Variants in GPR33 observed in about 807,000 individuals in gnomAD.
GPR33 encodes G protein-coupled receptor 33.
In GPR33, 4 loss-of-function variants were observed where a neutral mutation model predicts 3.1. That is an observed-to-expected ratio of 1.29 (90% confidence interval 0.64 to 2.96). The LOEUF is 2.96. GPR33 is among the 30% of genes most tolerant of loss of function. The pLI is 0.01. For missense variants in GPR33, 390 were observed against 388.9 expected (o/e 1.00, Z -0.02); for synonymous variants, 138 against 142.0 (o/e 0.97, Z 0.20).
At chr14:31,486,105 G>C (rs2032417045) in intron 1 of GPR33, among the ~76,000 whole-genome samples, 1 of 152,014 alleles carries the variant, frequency 6.6e-6, no homozygotes, top group Admixed American at 6.6e-5. Flanking sequence ...TTTTATTTTT[G>C]TTTATTTTTT....
rs185392929 is a variant in GPR33, at chr14:31,487,526, G to A, written c.-7+371C>T. ...GTGATCCTGGCTCACTGCAACCTCCGCCTCCTGGGTTCAAGTGATTCTCCT... is the reference window on the plus strand; with the variant it reads ...GTGATCCTGGCTCACTGCAACCTCCACCTCCTGGGTTCAAGTGATTCTCCT... On this transcript the variant is annotated intron_variant, in intron 1 of 1. Coordinates refer to ENST00000399285, the MANE Select transcript of GPR33 (RefSeq NM_001197184.3). 8.5e-3 allele frequency among the ~76,000 whole-genome samples: 1,106 copies of A among 130,760 alleles called. 8 individuals are homozygous for A. The highest frequency in any genetic ancestry group is 0.012 in the Admixed American group (134 of 11,076). 85.8% of individuals were successfully genotyped at this position (130,760 alleles called of 152,430 possible).
chr14:31,485,671 C>A (rs2032412176), intron 1 of GPR33, among the ~76,000 whole-genome samples: 1 of 151,128 alleles, frequency 6.6e-6, no homozygotes, highest in Non-Finnish European at 1.5e-5. Context: ...TTTTTCCTTG[C>A]AAAGCCTGTG....
intron 1 of GPR33, among the ~76,000 whole-genome samples, chr14:31,485,230 CT>C (rs1443731250): frequency 6.6e-6 from 1 of 151,976 alleles, no homozygotes; most frequent in African/African-American, 2.4e-5. Flanking sequence ...GCCACTGCGC[CT>C]GGCCAAATGT....
rs578142516 is a variant in GPR33 at position 31,484,004 on chromosome 14, A to C, written c.-6-33T>G. On this transcript the variant is annotated intron_variant, in intron 1 of 1. Coordinates refer to ENST00000399285, the MANE Select transcript of GPR33 (RefSeq NM_001197184.3). ...GTGAGAAACAGTGAAAATAACAACA[A>C]GAAAAAGCAAAAGAAAAGGTTAAAT... 16 of 1,444,564 alleles carry C rather than the reference A, an allele frequency of 1.1e-5. No individual in the cohort carries two copies. The African/African-American group carries it at 2.3e-4, about 21-fold the overall frequency. 89.5% of individuals were successfully genotyped at this position (1,444,564 alleles called of 1,614,324 possible). A position where few individuals can be genotyped will look rare whatever the true frequency, so the allele number is the denominator to read the frequency against.
chr14:31,484,533 G>A (rs1240708205), intron 1 of GPR33, among the ~76,000 whole-genome samples: 2 of 152,082 alleles, frequency 1.3e-5, no homozygotes, highest in Admixed American at 6.5e-5. Flanking sequence ...TGATTTTCCC[G>A]CTTGGCCTCG....
intron 1 of GPR33, among the ~76,000 whole-genome samples, chr14:31,485,637 CAAAAA>C (rs34013315): frequency 8.8e-6 from 1 of 113,246 alleles, no homozygotes; most frequent in Non-Finnish European, 1.8e-5. Flanking sequence ...GACTCTGTCT[CAAAAA>C]AAAAAAAAAA....
intron 1 of GPR33, among the ~76,000 whole-genome samples, chr14:31,487,432 GTTTTTTTTTTT>G (rs752227440): frequency 2.8e-5 from 2 of 70,380 alleles, no homozygotes; most frequent in Admixed American, 2.0e-4. Context: ...AAGCCCCTCA[GTTTTTTTTTTT>G]TTTTTTTTTT....
At chr14:31,484,448 T>A (rs1220851980) in intron 1 of GPR33, among the ~76,000 whole-genome samples, 1 of 152,010 alleles carries the variant, frequency 6.6e-6, no homozygotes, top group Non-Finnish European at 1.5e-5. Context: ...GCCGGATAAT[T>A]TTTTTGTTTG....
chr14:31,485,652 A>G (rs1480152662), intron 1 of GPR33, among the ~76,000 whole-genome samples: 1 of 151,814 alleles, frequency 6.6e-6, no homozygotes, highest in Non-Finnish European at 1.5e-5. Flanking sequence ...AAAAAAAAAA[A>G]AAATTCTGTT....
intron 1 of GPR33, among the ~76,000 whole-genome samples, chr14:31,485,770 C>G (rs2032413291): frequency 1.3e-5 from 2 of 152,000 alleles, no homozygotes; most frequent in South Asian, 4.1e-4. Context: ...TCCATTGTAC[C>G]AGGTGGGAAA....
chr14:31,483,481 G>GGGAT lies in GPR33; in HGVS notation c.481_484dup (p.Pro162HisfsTer12). ...ATGTGTCTCTCTGAAAATCAAATAG[G>GGGAT]GGATGCTGAGGGCAGCGGCTGAAAT... On this transcript the variant is annotated frameshift_variant, in exon 2 of 2. Transcript: ENST00000399285. LOFTEE classifies it high-confidence loss of function. 6.5e-7 allele frequency: 1 copy of GGGAT among 1,536,150 alleles called. No individual in the cohort carries two copies. The highest frequency in any genetic ancestry group is 8.7e-7 in the Non-Finnish European group (1 of 1,146,910).
At chr14:31,484,403 C>T (rs2032396280) in intron 1 of GPR33, among the ~76,000 whole-genome samples, 1 of 152,056 alleles carries the variant, frequency 6.6e-6, no homozygotes, top group African/African-American at 2.4e-5. Flanking sequence ...GCCTCAGCCT[C>T]CCAAGGAGTT....
chr14:31,484,873 C>G (rs972598655), intron 1 of GPR33, among the ~76,000 whole-genome samples: 5 of 151,932 alleles, frequency 3.3e-5, no homozygotes, highest in Admixed American at 6.6e-5. Flanking sequence ...CTGTAAGCCA[C>G]TGCAAGATTG....
chr14:31,484,854 A>T (rs1363535229), intron 1 of GPR33, among the ~76,000 whole-genome samples: 2 of 152,200 alleles, frequency 1.3e-5, no homozygotes, highest in Non-Finnish European at 2.9e-5. Context: ...ACTAATATTC[A>T]TATGGGAGCT....
chr14:31,485,431 C>A (rs990267471), intron 1 of GPR33, among the ~76,000 whole-genome samples: 1 of 151,270 alleles, frequency 6.6e-6, no homozygotes, highest in Admixed American at 6.6e-5. Context: ...GTCAGGAGAT[C>A]GAGACCATCC....
intron 1 of GPR33, among the ~76,000 whole-genome samples, chr14:31,485,431 C>T (rs990267471): frequency 4.6e-5 from 7 of 151,264 alleles, no homozygotes; most frequent in South Asian, 4.2e-4. Context: ...GTCAGGAGAT[C>T]GAGACCATCC....
At chr14:31,487,440 T>TTG (rs1287625508) in intron 1 of GPR33, among the ~76,000 whole-genome samples, 158 of 130,902 alleles carry the variant, frequency 1.2e-3, no homozygotes, top group South Asian at 4.6e-3. Flanking sequence ...CAGTTTTTTT[T>TTG]TTTTTTTTTT....
At position 31,483,521 on chromosome 14, in the gene GPR33, C is replaced by T. The variant is rs1461808227; in HGVS notation, c.445G>A (p.Val149Ile). The T allele has an allele frequency of 2.0e-6, 3 of 1,536,118 alleles. No individual in the cohort carries two copies. Among genetic ancestry groups the T allele is most frequent in the South Asian group, 2.4e-5 (2 of 84,054 alleles). Residue 149 changes from valine to isoleucine, a missense_variant, in exon 2 of 2, where the codon GTC (valine) becomes ATC (isoleucine). Transcript: ENST00000399285. ...GCGGCTGAAATCCAGACTCCCAGGA[C>T]AATGCTGGAAGCCCAGCGCGGGGTT... ...HRTPRWASSI[V>I]LGVWISAAAL...
At chr14:31,486,746 G>A (rs185534512) in intron 1 of GPR33, among the ~76,000 whole-genome samples, 6 of 152,182 alleles carry the variant, frequency 3.9e-5, no homozygotes, top group African/African-American at 2.4e-5. Flanking sequence ...ATGACACAGG[G>A]GATTTAAAAA....
Sources: gnomAD v4.1 joint callset for allele counts (sites outside exome capture counted in the v4.1 genomes callset) on GRCh38, gnomAD v4.1.1 for gene constraint, MANE v1.5 for transcripts, NCBI Gene and HGNC (gene_info 2026-07-23, HGNC 2026-07-21) for gene names.